Variants in CDH13 observed in about 807,000 individuals in gnomAD.
CDH13 encodes the protein cadherin 13.
A neutral mutation model predicts 63.8 loss-of-function variants in CDH13; 24 were observed. The ratio of observed to expected loss-of-function variants is 0.38; its 90% CI spans 0.27 to 0.53. CDH13 has a LOEUF of 0.53. Among genes scored for constraint, CDH13 ranks in the 20% least tolerant of loss-of-function variants. CDH13 has a pLI of 0.85. For synonymous variants in CDH13, 503 were observed against 355.3 expected (o/e 1.42, Z -4.67); for missense variants, 1,049 against 903.1 (o/e 1.16, Z -2.07).
chr16:82,800,688 A>C (rs1442312776), intron 1 of CDH13, among the ~76,000 whole-genome samples: 2 of 152,170 alleles, frequency 1.3e-5, no homozygotes, highest in Admixed American at 6.5e-5. Flanking sequence ...GTCCTTGGTC[A>C]TGCCATTCAA....
At chr16:82,738,324 C>T (rs774608259) in intron 1 of CDH13, among the ~76,000 whole-genome samples, 5 of 152,180 alleles carry the variant, frequency 3.3e-5, no homozygotes, top group Admixed American at 6.5e-5. Flanking sequence ...TTACCGTGCA[C>T]GGAGGACTTT....
intron 1 of CDH13, among the ~76,000 whole-genome samples, chr16:82,801,374 A>G (rs574754274): frequency 4.2e-4 from 64 of 152,288 alleles, no homozygotes; most frequent in African/African-American, 1.5e-3. Context: ...GCTTCTGTGG[A>G]TTCAAATGCT....
intron 1 of CDH13, among the ~76,000 whole-genome samples, chr16:82,812,210 G>A (rs980954163): frequency 1.3e-5 from 2 of 152,184 alleles, no homozygotes; most frequent in East Asian, 3.8e-4. Context: ...TGTGCATACA[G>A]AGTAACTACT....
intron 7 of CDH13, among the ~76,000 whole-genome samples, chr16:83,518,435 G>A (rs1004488290): frequency 1.3e-5 from 2 of 150,560 alleles, no homozygotes; most frequent in East Asian, 2.0e-4. Flanking sequence ...GTGAGCCACC[G>A]CGCCCGGCCA....
chr16:82,865,369 A>G (rs576352608), intron 2 of CDH13, among the ~76,000 whole-genome samples: 1 of 152,290 alleles, frequency 6.6e-6, no homozygotes, highest in East Asian at 1.9e-4. Flanking sequence ...CTCTGCAACA[A>G]ACTTTTGCGT....
intron 4 of CDH13, among the ~76,000 whole-genome samples, chr16:83,132,951 GA>G (rs771829015): frequency 9.2e-5 from 14 of 152,080 alleles, no homozygotes; most frequent in Non-Finnish European, 1.8e-4. Context: ...TTCTTCCTGG[GA>G]TACACCCTCT....
chr16:83,112,638 A>C (rs1280190504), intron 3 of CDH13, among the ~76,000 whole-genome samples: 1 of 152,118 alleles, frequency 6.6e-6, no homozygotes, highest in African/African-American at 2.4e-5. Flanking sequence ...ACCTGAGTGT[A>C]TTATGTGTGT....
At chr16:83,756,557 G>A (rs935581672) in intron 11 of CDH13, among the ~76,000 whole-genome samples, 3 of 152,128 alleles carry the variant, frequency 2.0e-5, no homozygotes, top group Non-Finnish European at 4.4e-5. Flanking sequence ...ATTTTTTGGC[G>A]CTTTTTTTAT....
chr16:83,257,437 T>C (rs1371418481), intron 5 of CDH13, among the ~76,000 whole-genome samples: 1 of 152,156 alleles, frequency 6.6e-6, no homozygotes, highest in Non-Finnish European at 1.5e-5. Flanking sequence ...TCCGCTCAGC[T>C]TTTAGGTTTC....
chr16:83,595,921 G>A (rs1332121913), intron 7 of CDH13, among the ~76,000 whole-genome samples: 2 of 152,226 alleles, frequency 1.3e-5, no homozygotes, highest in African/African-American at 4.8e-5. Context: ...ATGAGTTACA[G>A]AATCAACGAA....
chr16:83,095,821 A>T (rs2034164631), intron 3 of CDH13, among the ~76,000 whole-genome samples: 1 of 152,206 alleles, frequency 6.6e-6, no homozygotes, highest in Admixed American at 6.5e-5. Context: ...AGACTCCAGA[A>T]TGTGTCTTTT....
At chr16:83,349,564 T>G (rs567142715) in intron 6 of CDH13, among the ~76,000 whole-genome samples, 2 of 145,936 alleles carry the variant, frequency 1.4e-5, no homozygotes, top group African/African-American at 5.1e-5. Context: ...GAAAAGGAAG[T>G]CAGACAACTT....
chr16:82,645,541 A>G (rs1456860908), intron 1 of CDH13, among the ~76,000 whole-genome samples: 2 of 152,080 alleles, frequency 1.3e-5, no homozygotes, highest in African/African-American at 4.8e-5. Flanking sequence ...TCAACATCCT[A>G]CAATGAACAG....
At chr16:83,318,684 G>A (rs572532325) in intron 5 of CDH13, among the ~76,000 whole-genome samples, 4 of 152,272 alleles carry the variant, frequency 2.6e-5, no homozygotes, top group South Asian at 2.1e-4. Flanking sequence ...TACGGAAATC[G>A]AAGGAGGGAT....
At chr16:82,999,105 C>G (rs1912576428) in intron 2 of CDH13, among the ~76,000 whole-genome samples, 1 of 152,130 alleles carries the variant, frequency 6.6e-6, no homozygotes, top group South Asian at 2.1e-4. Context: ...CTGGTGAAAG[C>G]ATCCCTCTTC....
chr16:82,698,046 G>C (rs1597351383), intron 1 of CDH13, among the ~76,000 whole-genome samples: 1 of 152,068 alleles, frequency 6.6e-6, no homozygotes, highest in Non-Finnish European at 1.5e-5. Flanking sequence ...AGTATCTGTT[G>C]AATGGATGAA....
At chr16:83,333,638 G>A (rs896159371) in intron 5 of CDH13, among the ~76,000 whole-genome samples, 1 of 152,090 alleles carries the variant, frequency 6.6e-6, no homozygotes, top group African/African-American at 2.4e-5. Context: ...GTGTACACAT[G>A]CTCATTTATC....
intron 7 of CDH13, among the ~76,000 whole-genome samples, chr16:83,573,892 A>T (rs1182459215): frequency 6.6e-6 from 1 of 152,170 alleles, no homozygotes; most frequent in Non-Finnish European, 1.5e-5. Flanking sequence ...TTATTTTGGC[A>T]GTTCTCAGTT....
intron 1 of CDH13, among the ~76,000 whole-genome samples, chr16:82,641,413 C>G (rs2150887926): frequency 6.6e-6 from 1 of 152,312 alleles, no homozygotes; most frequent in Non-Finnish European, 1.5e-5. Context: ...TTACTGGAAA[C>G]TTCCTCAGTA....
Sources: allele counts gnomAD v4.1 joint callset (sites outside exome capture counted in the v4.1 genomes callset), GRCh38; gene constraint gnomAD v4.1.1; transcripts MANE v1.5; gene names NCBI Gene and HGNC (gene_info 2026-07-23, HGNC 2026-07-21).